The following PIGB variants were observed in gnomAD, a reference collection of about 807,000 sequenced individuals.
PIGB encodes the protein phosphatidylinositol glycan anchor biosynthesis class B.
Under a neutral mutation model 68.4 loss-of-function variants are expected in PIGB, and 58 were observed. The observed-to-expected ratio is 0.85, with a 90% CI of 0.69 to 1.06. The LOEUF (loss-of-function observed/expected upper bound fraction) is 1.06. Among genes scored for constraint, PIGB ranks in the 50% least tolerant of loss-of-function variants. The pLI is 0.00. For synonymous variants in PIGB, 219 were observed against 220.5 expected (o/e 0.99, Z 0.06); for missense variants, 634 against 655.8 (o/e 0.97, Z 0.36).
chr15:55,334,284 C>A (rs2141186741), intron 6 of PIGB, among the ~76,000 whole-genome samples: 1 of 152,230 alleles, frequency 6.6e-6, no homozygotes, highest in South Asian at 2.1e-4. Flanking sequence ...TTTAGAGATA[C>A]TTGATTCTTT....
chr15:55,320,881 T>C (rs914924227), intron 2 of PIGB, among the ~76,000 whole-genome samples: 2 of 152,180 alleles, frequency 1.3e-5, no homozygotes, highest in Admixed American at 1.3e-4. Flanking sequence ...TTTATACAAA[T>C]ATTTCTCCTG....
At chr15:55,331,130 T>A (rs1384911301) in intron 5 of PIGB, among the ~76,000 whole-genome samples, 1 of 152,222 alleles carries the variant, frequency 6.6e-6, no homozygotes, top group African/African-American at 2.4e-5. Flanking sequence ...GTCTCTCCAC[T>A]TCTGTTTTTG....
chr15:55,336,533 A>G (rs1052439311), intron 6 of PIGB, among the ~76,000 whole-genome samples: 1 of 152,236 alleles, frequency 6.6e-6, no homozygotes, highest in African/African-American at 2.4e-5. Flanking sequence ...ATCTAACACA[A>G]AGCCTATTTC....
intron 9 of PIGB, among the ~76,000 whole-genome samples, chr15:55,344,047 T>C (rs1424648939): frequency 6.6e-6 from 1 of 152,238 alleles, no homozygotes. Flanking sequence ...ACCACAAATT[T>C]CAGCCTTATT....
chr15:55,331,245 C>T (rs552938668), intron 5 of PIGB, among the ~76,000 whole-genome samples: 3 of 152,294 alleles, frequency 2.0e-5, no homozygotes, highest in East Asian at 3.9e-4. Flanking sequence ...TTATTTCACA[C>T]TGGCCAGCCT....
chr15:55,348,082 G>A (rs529995471), intron 9 of PIGB, among the ~76,000 whole-genome samples: 6 of 148,108 alleles, frequency 4.1e-5, no homozygotes, highest in African/African-American at 1.5e-4. Context: ...TATGCCTGCC[G>A]GGTTCAAGTG....
chr15:55,330,887 C>T (rs1487118463), intron 5 of PIGB, among the ~76,000 whole-genome samples: 1 of 152,128 alleles, frequency 6.6e-6, no homozygotes. Context: ...AGCATTCACT[C>T]AAGTTACGTA....
chr15:55,326,799 T>C (rs1263573526), intron 3 of PIGB, among the ~76,000 whole-genome samples: 1 of 152,210 alleles, frequency 6.6e-6, no homozygotes, highest in Non-Finnish European at 1.5e-5. Context: ...GTTGCGCCAC[T>C]GGACTCCAGC....
At chr15:55,329,075 T>G (rs1268512161) in intron 4 of PIGB, among the ~76,000 whole-genome samples, 2 of 152,232 alleles carry the variant, frequency 1.3e-5, no homozygotes, top group East Asian at 1.9e-4. Flanking sequence ...TAGTGCCACA[T>G]GCTTAACAAT....
At chr15:55,326,659 G>A (rs2055293389) in intron 3 of PIGB, among the ~76,000 whole-genome samples, 1 of 150,806 alleles carries the variant, frequency 6.6e-6, no homozygotes, top group African/African-American at 2.4e-5. Context: ...GAGGTCAGGA[G>A]ATCGAGACCA....
At position 55,327,594 on chromosome 15, in the gene PIGB, T is replaced by C. The variant is rs779301792; in HGVS notation, c.481T>C (p.Leu161=). ...TGTAGCAGATGTGAGACTTTACTCA[T>C]TAATGAAGCAACTAGAAAATCAGGA... is the stretch of plus-strand genomic sequence containing the variant. ...SAVADVRLYS[L]MKQLENQEVA... is the part of the protein sequence containing the mutation. Residue 161 remains leucine, a synonymous_variant, in exon 4 of 12, where the codon TTA becomes CTA. Transcript: ENST00000164305. 1.9e-5 allele frequency: 30 copies of C among 1,612,134 alleles called. No homozygotes were observed. Among genetic ancestry groups the C allele is most frequent in the Non-Finnish European group, 2.5e-5 (29 of 1,179,130 alleles).
At chr15:55,348,528 A>G (rs541615703) in intron 9 of PIGB, 3 of 152,648 alleles carry the variant, frequency 2.0e-5, no homozygotes, top group Admixed American at 1.3e-4. Context: ...ACCATCCTGG[A>G]GTAGTAAGTG....
At chr15:55,355,197 A>G in intron 11 of PIGB, 89 bp from the exon 12 acceptor site, 1 of 1,065,638 alleles carries the variant, frequency 9.4e-7, no homozygotes, top group Non-Finnish European at 1.4e-6. Context: ...AGTTGTAGAC[A>G]GCAATTAGAA....
chr15:55,320,146 A>T, intron 1 of PIGB, 129 bp from the exon 2 acceptor site: 1 of 647,858 alleles, frequency 1.5e-6, no homozygotes. Context: ...GGCTTTAAGA[A>T]TGGTGTGGAG....
intron 1 of PIGB, chr15:55,320,054 A>T (rs2055127989): frequency 2.6e-6 from 1 of 387,688 alleles, no homozygotes; most frequent in Non-Finnish European, 4.6e-6. Flanking sequence ...TTACACAATA[A>T]GTTGCAAGAA....
chr15:55,355,235 G>A, intron 11 of PIGB, 51 bp from the exon 12 acceptor site: 1 of 1,439,208 alleles, frequency 6.9e-7, no homozygotes, highest in Non-Finnish European at 9.6e-7. Context: ...GACTGAAACA[G>A]TACTCAGCAA....
chr15:55,339,143 G>A, intron 6 of PIGB, 124 bp from the exon 7 acceptor site: 2 of 677,260 alleles, frequency 3.0e-6, no homozygotes, highest in East Asian at 2.8e-5. Flanking sequence ...TCTATATTCA[G>A]TTGGTGAAAC....
chr15:55,324,089 T>C (rs2055225930), intron 3 of PIGB, among the ~76,000 whole-genome samples: 1 of 152,196 alleles, frequency 6.6e-6, no homozygotes, highest in Non-Finnish European at 1.5e-5. Flanking sequence ...GGTTTCACCG[T>C]GGCCAGGCTG....
intron 9 of PIGB, among the ~76,000 whole-genome samples, chr15:55,349,243 C>T (rs1261323652): frequency 6.6e-6 from 1 of 152,058 alleles, no homozygotes; most frequent in Non-Finnish European, 1.5e-5. Context: ...AGTGCAGTGG[C>T]GTGGTCATAG....
Sources: allele counts gnomAD v4.1 joint callset (sites outside exome capture counted in the v4.1 genomes callset), GRCh38; gene constraint gnomAD v4.1.1; transcripts MANE v1.5; gene names NCBI Gene and HGNC (gene_info 2026-07-23, HGNC 2026-07-21).